MGAT4D: variants seen among roughly 807,000 people sequenced by gnomAD.
MGAT4D encodes alpha-1,3-mannosyl-glycoprotein 4-beta-N-acetylglucosaminyltransferase-like protein MGAT4D.
Under a neutral mutation model 15.9 loss-of-function variants are expected in MGAT4D, and 34 were observed. That is an observed-to-expected ratio of 2.14 (90% confidence interval 1.62 to 2.84). MGAT4D has a LOEUF of 2.84. Among genes scored for constraint, MGAT4D ranks in the 30% most tolerant of loss-of-function variants. The probability of loss-of-function intolerance (pLI) is 0.00; values close to 1 mark genes in which losing one functional copy is unlikely to be tolerated. For synonymous variants in MGAT4D, 112 were observed against 48.2 expected (o/e 2.33, Z -5.49); for missense variants, 327 against 140.2 (o/e 2.33, Z -6.73).
intron 1 of MGAT4D, among the ~76,000 whole-genome samples, chr4:140,491,346 C>A (rs1274074764): frequency 2.0e-5 from 3 of 152,092 alleles, no homozygotes; most frequent in Admixed American, 2.0e-4. Flanking sequence ...GAAGAGAGAT[C>A]CCCAAGAAAT....
intron 3 of MGAT4D, among the ~76,000 whole-genome samples, chr4:140,476,035 C>T (rs1333870239): frequency 6.6e-6 from 1 of 152,104 alleles, no homozygotes; most frequent in African/African-American, 2.4e-5. Context: ...TGGTCTCGAA[C>T]TCCTGACCTC....
chr4:140,449,268 A>G (rs911296433), intron 10 of MGAT4D, among the ~76,000 whole-genome samples: 1 of 152,230 alleles, frequency 6.6e-6, no homozygotes, highest in African/African-American at 2.4e-5. Flanking sequence ...TAGAATATGA[A>G]ATGATAAAAA....
At chr4:140,452,000 A>ACC (rs1730502476) in intron 9 of MGAT4D, among the ~76,000 whole-genome samples, 1 of 148,736 alleles carries the variant, frequency 6.7e-6, no homozygotes, top group Admixed American at 6.7e-5. Context: ...TTCTCAAAAA[A>ACC]AAAAAAAAAA....
intron 1 of MGAT4D, among the ~76,000 whole-genome samples, chr4:140,487,419 G>C (rs779432391): frequency 1.3e-5 from 2 of 152,144 alleles, no homozygotes; most frequent in African/African-American, 4.8e-5. Context: ...AAGGCTCCAA[G>C]GCATTGTGTT....
rs190626206 is a variant in MGAT4D, at chr4:140,442,865, G to C, written c.*571C>G. Reference sequence around the variant, plus strand: ...GTGTGTTAAGAAGGCAATGATGAGAGAAACTATGAAATCTTTAGAACTAAA... The same window carrying C: ...GTGTGTTAAGAAGGCAATGATGAGACAAACTATGAAATCTTTAGAACTAAA... On this transcript the variant is annotated 3_prime_UTR_variant, in exon 11 of 11. Transcript: ENST00000511113. The C allele has an allele frequency of 1.3e-5, 2 of 152,026 alleles. No homozygotes were observed. The highest frequency in any genetic ancestry group is 2.9e-5 in the Non-Finnish European group (2 of 67,976). The allele number at this position is 152,026 out of a possible 1,614,324, so 9.4% of individuals were successfully genotyped here.
chr4:140,474,907 T>C lies in MGAT4D; in HGVS notation c.431A>G (p.Asn144Ser), dbSNP rs1732214711. The change falls in exon 4 of 11, where the codon AAT becomes AGT. Residue 144 changes from asparagine (N) to serine (S), a missense_variant. By Grantham distance (46) the Asn-to-Ser change is conservative. Transcript: ENST00000511113. ...CAGTGTCTGTTTCAGGTAACTATAATTTCCTCTGTTAACAGTGGAAATACC... is the reference window on the plus strand; with the variant it reads ...CAGTGTCTGTTTCAGGTAACTATAACTTCCTCTGTTAACAGTGGAAATACC... ...ALGISTVNRG[N>S]YSYLKQTLTS... is the part of the protein sequence containing the mutation. 2 of 698,906 alleles carry C rather than the reference T, an allele frequency of 2.9e-6. No individual in the cohort carries two copies. The highest frequency in any genetic ancestry group is 5.2e-6 in the Non-Finnish European group (2 of 383,564). The allele number at this position is 698,906 out of a possible 1,614,324, so 43.3% of individuals were successfully genotyped here. A position where few individuals can be genotyped will look rare whatever the true frequency, so the allele number is the denominator to read the frequency against.
At chr4:140,460,609 G>C (rs1195735622) in intron 7 of MGAT4D, among the ~76,000 whole-genome samples, 1 of 152,204 alleles carries the variant, frequency 6.6e-6, no homozygotes, top group African/African-American at 2.4e-5. Flanking sequence ...GATGAGGCAG[G>C]CAGATTGCTT....
chr4:140,455,087 CTAT>C (rs1490777118), intron 9 of MGAT4D, among the ~76,000 whole-genome samples: 1 of 151,914 alleles, frequency 6.6e-6, no homozygotes, highest in East Asian at 1.9e-4. Context: ...TTTTCTTTTA[CTAT>C]TATTATTTTC....
intron 1 of MGAT4D, among the ~76,000 whole-genome samples, chr4:140,495,341 C>T (rs1733769045): frequency 6.6e-6 from 1 of 152,220 alleles, no homozygotes; most frequent in African/African-American, 2.4e-5. Flanking sequence ...CCTGCCAACA[C>T]CTGATATCAT....
chr4:140,475,711 A>C (rs151132749), intron 3 of MGAT4D, among the ~76,000 whole-genome samples: 319 of 150,384 alleles, frequency 2.1e-3, no homozygotes, highest in African/African-American at 7.5e-3. Flanking sequence ...GCCCTGATAA[A>C]CTGAGAAGTA....
At chr4:140,469,951 G>A (rs1308299303) in intron 5 of MGAT4D, among the ~76,000 whole-genome samples, 5 of 152,192 alleles carry the variant, frequency 3.3e-5, no homozygotes, top group African/African-American at 4.8e-5. Context: ...CCTTGCTAGC[G>A]GGGTACCGGT....
intron 6 of MGAT4D, among the ~76,000 whole-genome samples, chr4:140,464,564 T>C (rs1731402770): frequency 6.6e-6 from 1 of 152,138 alleles, no homozygotes; most frequent in Non-Finnish European, 1.5e-5. Flanking sequence ...TATTATACCT[T>C]TGCTAATTAT....
intron 1 of MGAT4D, among the ~76,000 whole-genome samples, chr4:140,485,810 TAAAAAAAAAAAAAAAAAA>T (rs61131099): frequency 0.12 from 1,543 of 13,020 alleles, 75 homozygotes; most frequent in South Asian, 0.37. Context: ...GACCCTGTCT[TAAAAAAAAAAAAAAAAAA>T]AAAAAAAAAA....
rs920231491 is a variant in MGAT4D at position 140,442,383 on chromosome 4, G to A, written c.*1053C>T. 1 of 152,054 alleles carries A rather than the reference G, an allele frequency of 6.6e-6. No individual in the cohort carries two copies. The highest frequency in any genetic ancestry group is 2.4e-5 in the African/African-American group (1 of 41,422). The allele number at this position is 152,054 out of a possible 1,614,324, so 9.4% of individuals were successfully genotyped here. A position where few individuals can be genotyped will look rare whatever the true frequency, so the allele number is the denominator to read the frequency against. On this transcript the variant is annotated 3_prime_UTR_variant, in exon 11 of 11. Coordinates refer to ENST00000511113, the MANE Select transcript of MGAT4D (RefSeq NM_001277353.2). ...GGAAATGAAGAATTTCACAATATTTGATTAAAGGATAACAAATAAATATCA... is the reference window on the plus strand; with the variant it reads ...GGAAATGAAGAATTTCACAATATTTAATTAAAGGATAACAAATAAATATCA...
intron 1 of MGAT4D, among the ~76,000 whole-genome samples, chr4:140,482,688 C>A (rs1484053249): frequency 6.6e-6 from 1 of 151,646 alleles, no homozygotes; most frequent in Non-Finnish European, 1.5e-5. Flanking sequence ...ATATAAAAGA[C>A]TGGAAAGAAA....
At chr4:140,460,269 T>C (rs1304678684) in intron 7 of MGAT4D, among the ~76,000 whole-genome samples, 2 of 152,222 alleles carry the variant, frequency 1.3e-5, no homozygotes, top group Non-Finnish European at 2.9e-5. Flanking sequence ...AATGGGTAGT[T>C]TATAAACAAC....
chr4:140,471,669 T>C, intron 5 of MGAT4D, 106 bp downstream of exon 5: 1 of 296,540 alleles, frequency 3.4e-6, no homozygotes, highest in South Asian at 7.3e-5. Context: ...CTATACTCAT[T>C]AAAAAGAATA....
intron 10 of MGAT4D, among the ~76,000 whole-genome samples, 185 bp downstream of exon 10, chr4:140,451,225 T>G (rs1428482466): frequency 6.6e-6 from 1 of 152,138 alleles, no homozygotes; most frequent in Non-Finnish European, 1.5e-5. Flanking sequence ...ATAGATAACT[T>G]GGGGCTTTAA....
intron 10 of MGAT4D, among the ~76,000 whole-genome samples, chr4:140,443,647 T>C (rs1377357766): frequency 6.6e-6 from 1 of 152,142 alleles, no homozygotes; most frequent in Non-Finnish European, 1.5e-5. Context: ...CCAATTTTAA[T>C]ACTCTTACGT....
Sources: allele counts gnomAD v4.1 joint callset (sites outside exome capture counted in the v4.1 genomes callset), GRCh38; gene constraint gnomAD v4.1.1; transcripts MANE v1.5; gene names NCBI Gene and HGNC (gene_info 2026-07-23, HGNC 2026-07-21).